ADK: variants seen among roughly 807,000 people sequenced by gnomAD.
The protein encoded by ADK is N6,N6-dimethyladenosine kinase.
ADK carries 24 observed loss-of-function variants against 44.7 expected under a neutral mutation model. The observed-to-expected ratio is 0.54, with a 90% CI of 0.39 to 0.76. The LOEUF (loss-of-function observed/expected upper bound fraction) is 0.76. Ranked by LOEUF, ADK falls within the 30% of genes least tolerant of loss-of-function variation. The pLI is 0.00. For missense variants in ADK, 321 were observed against 425.1 expected, an observed-to-expected ratio of 0.76 and a Z score of 2.15; for synonymous variants, 128 against 142.6, an observed-to-expected ratio of 0.90 and a Z score of 0.73.
chr10:74,165,996 G>A (rs1375823361), intron 1 of ADK, among the ~76,000 whole-genome samples: 1 of 152,168 alleles, frequency 6.6e-6, no homozygotes, highest in East Asian at 1.9e-4. Context: ...TGCCCAGGCT[G>A]GAGTGCAGTG....
rs1377321844 is a variant in ADK at position 74,369,674 on chromosome 10, G to A, written c.274-24467G>A. Among the ~76,000 whole-genome samples the A allele has an allele frequency of 2.6e-5, 4 of 151,962 alleles. No homozygotes were observed. The East Asian group carries it at 7.7e-4, about 29-fold the overall frequency. On this transcript the variant is annotated intron_variant, in intron 4 of 10. Coordinates refer to ENST00000539909, the MANE Select transcript of ADK (RefSeq NM_006721.4). ...TAATTAGCATCTATAAGGAACCAATGGTAATATTATATTTACTGGTGAATG... is the reference window on the plus strand; with the variant it reads ...TAATTAGCATCTATAAGGAACCAATAGTAATATTATATTTACTGGTGAATG...
At chr10:74,460,357 T>G (rs1005049152) in intron 6 of ADK, among the ~76,000 whole-genome samples, 1 of 152,228 alleles carries the variant, frequency 6.6e-6, no homozygotes, top group Non-Finnish European at 1.5e-5. Context: ...GGTCATTTCT[T>G]GTGCTTATGA....
chr10:74,409,574 C>T (rs1402193565), intron 6 of ADK, among the ~76,000 whole-genome samples: 1 of 152,096 alleles, frequency 6.6e-6, no homozygotes, highest in Admixed American at 6.5e-5. Context: ...TGTCTTATTA[C>T]AGGTCTTCTC....
chr10:74,454,047 A>G (rs1845860332), intron 6 of ADK, among the ~76,000 whole-genome samples: 1 of 152,166 alleles, frequency 6.6e-6, no homozygotes, highest in Non-Finnish European at 1.5e-5. Flanking sequence ...TTTTACAGTC[A>G]ATGGACCATT....
chr10:74,468,845 A>G (rs1846450959), intron 6 of ADK, among the ~76,000 whole-genome samples: 1 of 152,192 alleles, frequency 6.6e-6, no homozygotes. Flanking sequence ...TACCTAGTTC[A>G]TATTAAAATT....
At chr10:74,244,070 C>T (rs1845323914) in intron 3 of ADK, among the ~76,000 whole-genome samples, 1 of 152,036 alleles carries the variant, frequency 6.6e-6, no homozygotes, top group African/African-American at 2.4e-5. Context: ...TACATTGTTA[C>T]AATAATGTTT....
chr10:74,300,112 G>A (rs769415674), intron 3 of ADK, among the ~76,000 whole-genome samples: 1 of 150,324 alleles, frequency 6.7e-6, no homozygotes, highest in Non-Finnish European at 1.5e-5. Flanking sequence ...TTGAACTCCT[G>A]GACTCATGTG....
intron 3 of ADK, among the ~76,000 whole-genome samples, chr10:74,263,759 A>G (rs1435540952): frequency 6.6e-6 from 1 of 152,238 alleles, no homozygotes; most frequent in Non-Finnish European, 1.5e-5. Flanking sequence ...GTTCTAAAAC[A>G]TATTTTACAG....
At chr10:74,249,233 A>T (rs1845551321) in intron 3 of ADK, among the ~76,000 whole-genome samples, 2 of 152,134 alleles carry the variant, frequency 1.3e-5, no homozygotes, top group Admixed American at 6.5e-5. Flanking sequence ...TATTTTCTTT[A>T]ATGTTTTTTA....
chr10:74,323,656 C>T (rs1192214288), intron 4 of ADK, among the ~76,000 whole-genome samples: 2 of 151,492 alleles, frequency 1.3e-5, no homozygotes, highest in Admixed American at 1.3e-4. Context: ...CTGTAATCTC[C>T]ACCTCCCGGG....
At chr10:74,179,076 A>G (rs1406905600) in intron 1 of ADK, among the ~76,000 whole-genome samples, 2 of 152,226 alleles carry the variant, frequency 1.3e-5, no homozygotes, top group Non-Finnish European at 2.9e-5. Flanking sequence ...AACGAACTTG[A>G]TAACTGGGGT....
At chr10:74,273,811 A>G (rs993346785) in intron 3 of ADK, among the ~76,000 whole-genome samples, 2 of 152,152 alleles carry the variant, frequency 1.3e-5, no homozygotes, top group East Asian at 3.8e-4. Context: ...CATATACCCA[A>G]AACTACTTCA....
intron 1 of ADK, among the ~76,000 whole-genome samples, chr10:74,165,973 A>G (rs558533284): frequency 6.6e-6 from 1 of 152,336 alleles, no homozygotes; most frequent in South Asian, 2.1e-4. Context: ...TCTTTGAGAC[A>G]GAGTTGCTCT....
intron 6 of ADK, among the ~76,000 whole-genome samples, chr10:74,437,733 T>C (rs2032483132): frequency 2.0e-5 from 3 of 152,214 alleles, no homozygotes; most frequent in Non-Finnish European, 4.4e-5. Flanking sequence ...CAAACCAGCA[T>C]AAAACATTTT....
intron 9 of ADK, among the ~76,000 whole-genome samples, chr10:74,609,183 G>A (rs1022712211): frequency 1.3e-5 from 2 of 152,158 alleles, no homozygotes; most frequent in Admixed American, 1.3e-4. Flanking sequence ...CTCCGTCGGG[G>A]CAGGATCCGC....
chr10:74,178,639 G>T (rs1842430823), intron 1 of ADK, among the ~76,000 whole-genome samples: 1 of 152,170 alleles, frequency 6.6e-6, no homozygotes, highest in South Asian at 2.1e-4. Flanking sequence ...ATCTTTTACT[G>T]TAGGGGTTGA....
intron 6 of ADK, among the ~76,000 whole-genome samples, chr10:74,453,211 A>C (rs959369393): frequency 6.6e-6 from 1 of 152,098 alleles, no homozygotes. Context: ...TTTCTAAAAT[A>C]AAAGTCCACC....
chr10:74,565,106 A>G (rs902626430), intron 7 of ADK, among the ~76,000 whole-genome samples: 1 of 152,212 alleles, frequency 6.6e-6, no homozygotes, highest in Non-Finnish European at 1.5e-5. Flanking sequence ...TGGAGAAAAA[A>G]GGGATATAGT....
rs556357076 is a variant in ADK at position 74,378,437 on chromosome 10, TA to T, written c.274-15702del. Among the ~76,000 whole-genome samples, 365 of 152,316 alleles carry T rather than the reference TA, an allele frequency of 2.4e-3. 2 individuals carry two copies. The highest frequency in any genetic ancestry group is 8.3e-3 in the African/African-American group (347 of 41,570). On this transcript the variant is annotated intron_variant, in intron 4 of 10. Transcript: ENST00000539909. ...TGCATCCTACAATAACATGAATAGC[TA>T]ATATTTATTTTAGTATAATTTTCTT...
Sources: allele counts gnomAD v4.1 joint callset (sites outside exome capture counted in the v4.1 genomes callset), GRCh38; gene constraint gnomAD v4.1.1; transcripts MANE v1.5; gene names NCBI Gene and HGNC (gene_info 2026-07-23, HGNC 2026-07-21).